Variants in RHOQ observed in about 807,000 individuals in gnomAD.
RHOQ encodes the protein ras homolog family member Q, also known as rho-related GTP-binding protein RhoQ.
In RHOQ, 7 loss-of-function variants were observed where a neutral mutation model predicts 25.8. The observed-to-expected ratio is 0.27, with a 90% CI of 0.15 to 0.51. The LOEUF is 0.51. Ranked by LOEUF, RHOQ falls within the 20% of genes least tolerant of loss-of-function variation. The probability of loss-of-function intolerance (pLI) is 0.97; values close to 1 mark genes in which losing one functional copy is unlikely to be tolerated. For synonymous variants in RHOQ, 97 were observed against 98.6 expected (o/e 0.98, Z 0.10); for missense variants, 165 against 260.6 (o/e 0.63, Z 2.53).
At chr2:46,579,809 T>A (rs113518352) in intron 4 of RHOQ, among the ~76,000 whole-genome samples, 1 of 149,778 alleles carries the variant, frequency 6.7e-6, no homozygotes, top group African/African-American at 2.5e-5. Flanking sequence ...CGAACCATAG[T>A]ACTCCAGCCT....
intron 2 of RHOQ, chr2:46,568,199 C>A (rs954362357): frequency 6.6e-6 from 1 of 152,200 alleles, no homozygotes; most frequent in Non-Finnish European, 1.5e-5. Context: ...TCTATGCAAA[C>A]CTACCTTCAA....
chr2:46,578,812 G>T (rs1323621581), intron 4 of RHOQ, among the ~76,000 whole-genome samples: 1 of 151,846 alleles, frequency 6.6e-6, no homozygotes, highest in African/African-American at 2.4e-5. Flanking sequence ...TGCTAAAAGA[G>T]TAAATTTTAA....
chr2:46,549,020 A>T (rs1273064417), intron 2 of RHOQ, among the ~76,000 whole-genome samples: 3 of 151,118 alleles, frequency 2.0e-5, no homozygotes, highest in Non-Finnish European at 4.4e-5. Context: ...GGCAGTCCCC[A>T]CCAGCTCTCG....
In RHOQ at chr2:46,543,766, TG is replaced by T; in HGVS notation, c.161del (p.Gly54AlafsTer6). 2 of 1,613,652 alleles carry T rather than the reference TG, an allele frequency of 1.2e-6. No homozygotes were observed. The highest frequency in any genetic ancestry group is 1.7e-6 in the Non-Finnish European group (2 of 1,179,840). On this transcript the variant is annotated frameshift_variant, in exon 2 of 5. Coordinates refer to ENST00000238738, the MANE Select transcript of RHOQ (RefSeq NM_012249.4). LOFTEE classifies it high-confidence loss of function. ...TCTGTCCTTGCAGTCAGCGTCACCG[TG>T]GGGGGCAAGCAGTACCTCCTAGGAC... is the stretch of plus-strand genomic sequence containing the variant. The part of the protein sequence containing the change: ...VFDHYAVSVT[V>X]GGKQYLLGLY...
rs757427979 is a variant in RHOQ at position 46,576,292 on chromosome 2, T to G, written c.366+41T>G. The G allele has an allele frequency of 6.5e-7, 1 of 1,549,094 alleles. No individual in the cohort carries two copies. The highest frequency in any genetic ancestry group is 8.8e-7 in the Non-Finnish European group (1 of 1,130,400). On this transcript the variant is annotated intron_variant, in intron 3 of 4. Transcript: ENST00000238738. The surrounding 1 kb of genome is among the most constrained non-coding windows in gnomAD (Gnocchi z 5.1). ...TTTTCTGCATTTTAGAATAAGCTCT[T>G]TGGTCTGTCGTAGAGGCTGCTCTCA...
chr2:46,578,569 C>CAAAAAAAAAAAAAAAAAA lies in RHOQ; in HGVS notation c.462+1933_462+1950dup, dbSNP rs755333304. Reference sequence around the variant, plus strand: ...CAACATGGTGAAACCCCATCTCTACCAAAAAAAAAAAAAAAAAAAAAAAAA... The same window carrying CAAAAAAAAAAAAAAAAAA: ...CAACATGGTGAAACCCCATCTCTACCAAAAAAAAAAAAAAAAAAAAAAAAAAAAAAAAAAAAAAAAAAA... On this transcript the variant is annotated intron_variant, in intron 4 of 4. Coordinates refer to ENST00000238738, the MANE Select transcript of RHOQ (RefSeq NM_012249.4). Among the ~76,000 whole-genome samples, 22 of 24,068 alleles carry CAAAAAAAAAAAAAAAAAA rather than the reference C, an allele frequency of 9.1e-4. 7 individuals are homozygous for CAAAAAAAAAAAAAAAAAA. Among genetic ancestry groups the CAAAAAAAAAAAAAAAAAA allele is most frequent in the Non-Finnish European group, 1.4e-3 (18 of 13,132 alleles). 15.8% of individuals were successfully genotyped at this position (24,068 alleles called of 152,430 possible).
chr2:46,543,293 C>T (rs1226939704), intron 1 of RHOQ, 105 bp downstream of exon 1: 1 of 1,323,102 alleles, frequency 7.6e-7, no homozygotes, highest in Non-Finnish European at 1.1e-6. Context: ...ACTCCTCTCC[C>T]CTCCCCCGCC....
Position 46,576,450 on chromosome 2 carries a change from T to G in RHOQ, c.367-111T>G. On this transcript the variant is annotated intron_variant, in intron 3 of 4. Coordinates refer to ENST00000238738, the MANE Select transcript of RHOQ (RefSeq NM_012249.4). The surrounding 1 kb of genome is among the most constrained non-coding windows in gnomAD (Gnocchi z 5.1). ...ATTTTCCTGGTTTTTAAAAATTAAG[T>G]TCTTTTGTTTAATCTTTTTTTGGTA... 1.1e-6 allele frequency: 1 copy of G among 912,292 alleles called. No individual in the cohort carries two copies. Among genetic ancestry groups the G allele is most frequent in the East Asian group, 2.6e-5 (1 of 39,166 alleles). 56.5% of individuals were successfully genotyped at this position (912,292 alleles called of 1,614,324 possible).
rs931764312 is a variant in RHOQ, at chr2:46,566,596, C to T, written c.202-9491C>T. Among the ~76,000 whole-genome samples, 10 of 152,128 alleles carry T rather than the reference C, an allele frequency of 6.6e-5. No individual in the cohort carries two copies. The highest frequency in any genetic ancestry group is 2.1e-4 in the South Asian group (1 of 4,818). On this transcript the variant is annotated intron_variant, in intron 2 of 4. Coordinates refer to ENST00000238738, the MANE Select transcript of RHOQ (RefSeq NM_012249.4). The surrounding 1 kb of genome is among the most constrained non-coding windows in gnomAD (Gnocchi z 4.2). ...TTCTTCTCAAAGTAGCCTGGATTAT[C>T]GTTTTCAAATTTTGTGACTTTTTTG...
chr2:46,560,552 GGGA>G, intron 2 of RHOQ: 1 of 456,054 alleles, frequency 2.2e-6, no homozygotes. Context: ...TTGGATTTCT[GGGA>G]GGAGATTTCT....
intron 2 of RHOQ, among the ~76,000 whole-genome samples, chr2:46,573,441 T>G (rs1271131733): frequency 6.6e-6 from 1 of 152,252 alleles, no homozygotes; most frequent in African/African-American, 2.4e-5. Flanking sequence ...GTAACATTTC[T>G]TTCCAAGGAG....
In RHOQ at chr2:46,577,733, A is replaced by G. The variant is rs555760127; in HGVS notation, c.462+1077A>G. Among the ~76,000 whole-genome samples the G allele has an allele frequency of 1.7e-4, 26 of 151,856 alleles. 1 individual carries two copies. Among genetic ancestry groups the G allele is most frequent in the South Asian group, 1.5e-3 (7 of 4,806 alleles). On this transcript the variant is annotated intron_variant, in intron 4 of 4. Coordinates refer to ENST00000238738, the MANE Select transcript of RHOQ (RefSeq NM_012249.4). Reference sequence around the variant, plus strand: ...CCCGGCCCATATATAGTCTTTTAAAATGTAGTATCAGGAGGCAAAAGAAAG... The same window carrying G: ...CCCGGCCCATATATAGTCTTTTAAAGTGTAGTATCAGGAGGCAAAAGAAAG...
chr2:46,552,297 C>A lies in RHOQ; in HGVS notation c.201+8485C>A, dbSNP rs1230266919. On this transcript the variant is annotated intron_variant, in intron 2 of 4. Transcript: ENST00000238738. The surrounding 1 kb of genome is among the most constrained non-coding windows in gnomAD (Gnocchi z 5.0). ...AGGCCCGAGGTGGCGCTGATGGCCC[C>A]ATTGCTCAAGTACGTGTGGAAGAAG... 2.0e-5 allele frequency among the ~76,000 whole-genome samples: 3 copies of A among 152,186 alleles called. No individual in the cohort carries two copies. The East Asian group carries it at 5.8e-4, about 29-fold the overall frequency.
chr2:46,576,929 G>A lies in RHOQ; in HGVS notation c.462+273G>A, dbSNP rs575355824. On this transcript the variant is annotated intron_variant, in intron 4 of 4. Transcript: ENST00000238738. This position sits in a 1 kb window ranked among gnomAD's most constrained non-coding sequence, Gnocchi z 5.1. ...CAGTCCAAAGCCTGACTCCTGGGCC[G>A]AGACTCTTACACCTTTGCTACATTG... The A allele has an allele frequency of 5.5e-5, 16 of 291,668 alleles. No individual in the cohort carries two copies. Among genetic ancestry groups the A allele is most frequent in the African/African-American group, 2.0e-4 (9 of 45,988 alleles). 18.1% of individuals were successfully genotyped at this position (291,668 alleles called of 1,614,324 possible).
chr2:46,569,189 T>C lies in RHOQ; in HGVS notation c.202-6898T>C, dbSNP rs1668833323. On this transcript the variant is annotated intron_variant, in intron 2 of 4. Coordinates refer to ENST00000238738, the MANE Select transcript of RHOQ (RefSeq NM_012249.4). This position sits in a 1 kb window ranked among gnomAD's most constrained non-coding sequence, Gnocchi z 4.1. ...GAAACACTTGACCAGCTCTCTCATT[T>C]ATCTTAACATGTGTATTTATTCTCC... is the stretch of plus-strand genomic sequence containing the variant. 6.6e-6 allele frequency: 1 copy of C among 152,244 alleles called. No homozygotes were observed. 9.4% of individuals were successfully genotyped at this position (152,244 alleles called of 1,614,324 possible).
In RHOQ at chr2:46,576,046, A is replaced by G. The variant is rs915363953; in HGVS notation, c.202-41A>G. The G allele has an allele frequency of 1.9e-6, 3 of 1,538,760 alleles. No individual in the cohort carries two copies. Among genetic ancestry groups the G allele is most frequent in the Admixed American group, 2.1e-5 (1 of 47,402 alleles). ...AATGTACATATTACTAGTAAACAAT[A>G]GAAATGTAAATACATAATGAGGCTT... On this transcript the variant is annotated intron_variant, in intron 2 of 4. Transcript: ENST00000238738. The surrounding 1 kb of genome is among the most constrained non-coding windows in gnomAD (Gnocchi z 5.1).
At chr2:46,553,415 T>A (rs552678197) in intron 2 of RHOQ, among the ~76,000 whole-genome samples, 7 of 152,176 alleles carry the variant, frequency 4.6e-5, no homozygotes, top group Non-Finnish European at 8.8e-5. Context: ...GCATGCAATG[T>A]GAAATAAGCA....
At chr2:46,543,893 G>A (rs1667945088) in intron 2 of RHOQ, 81 bp downstream of exon 2, 1 of 1,232,578 alleles carries the variant, frequency 8.1e-7, no homozygotes, top group African/African-American at 1.5e-5. Flanking sequence ...GGAAACCGAG[G>A]TGTCTAGGTG....
intron 1 of RHOQ, 144 bp downstream of exon 1, chr2:46,543,332 C>T (rs1005547158): frequency 3.3e-5 from 28 of 860,866 alleles, no homozygotes; most frequent in Non-Finnish European, 4.8e-5. Flanking sequence ...CCGGCCCCAC[C>T]CCCGAAGCTT....
Sources: allele counts gnomAD v4.1 joint callset (sites outside exome capture counted in the v4.1 genomes callset), GRCh38; gene constraint gnomAD v4.1.1; non-coding constraint Gnocchi (gnomAD v3.1); transcripts MANE v1.5; gene names NCBI Gene and HGNC (gene_info 2026-07-23, HGNC 2026-07-21).